The following TTC6 variants were observed in gnomAD, a reference collection of about 807,000 sequenced individuals.
TTC6 encodes the protein tetratricopeptide repeat protein 6.
TTC6 carries 172 observed loss-of-function variants against 210.4 expected under a neutral mutation model. The observed-to-expected ratio is 0.82, with a 90% CI of 0.72 to 0.93. The LOEUF (loss-of-function observed/expected upper bound fraction) is 0.93. Ranked by LOEUF, TTC6 falls within the 40% of genes least tolerant of loss-of-function variation. The probability of loss-of-function intolerance (pLI) is 0.00; values close to 1 mark genes in which losing one functional copy is unlikely to be tolerated. For missense variants in TTC6, 2,414 were observed against 2,318.1 expected (o/e 1.04, Z -0.85); for synonymous variants, 804 against 819.6 (o/e 0.98, Z 0.32).
intron 7 of TTC6, among the ~76,000 whole-genome samples, chr14:37,727,584 C>T (rs139846564): frequency 1.2e-3 from 186 of 152,058 alleles, no homozygotes; most frequent in African/African-American, 4.1e-3. Context: ...TGAGCCACCA[C>T]GCCCAGACTC....
exon 29 of TTC6, chr14:37,827,202 A>G: frequency 6.2e-7 from 1 of 1,611,892 alleles, no homozygotes; most frequent in Admixed American, 1.7e-5. Context: ...GCAGATCAGT[A>G]CTACAGCAGA....
chr14:37,644,813 A>G (rs2095698634), intron 1 of TTC6, among the ~76,000 whole-genome samples: 1 of 152,242 alleles, frequency 6.6e-6, no homozygotes, highest in South Asian at 2.1e-4. Context: ...GAGCTAGCAG[A>G]CAATGGAAAA....
chr14:37,654,438 T>C (rs1481762359), intron 1 of TTC6, among the ~76,000 whole-genome samples: 1 of 152,050 alleles, frequency 6.6e-6, no homozygotes, highest in East Asian at 1.9e-4. Flanking sequence ...CTCTTGCTCC[T>C]ACTTTTGGAA....
At chr14:37,765,755 T>G (rs972347710) in intron 14 of TTC6, among the ~76,000 whole-genome samples, 1 of 152,156 alleles carries the variant, frequency 6.6e-6, no homozygotes, top group African/African-American at 2.4e-5. Context: ...TTCTTCAGGT[T>G]TCATTTACTC....
chr14:37,808,805 A>G, exon 24 of TTC6: 1 of 1,535,780 alleles, frequency 6.5e-7, no homozygotes, highest in Non-Finnish European at 8.7e-7. Flanking sequence ...AGCATTTTAT[A>G]ACAGAGCATT....
At chr14:37,700,480 C>T (rs980757145) in intron 4 of TTC6, among the ~76,000 whole-genome samples, 14 of 152,032 alleles carry the variant, frequency 9.2e-5, no homozygotes, top group East Asian at 3.9e-4. Context: ...CAGTGGCTCA[C>T]GCCTGTAATC....
rs144272227 is a variant in TTC6, at chr14:37,785,602, G to A, written c.3267-1866G>A. On this transcript the variant is annotated intron_variant, in intron 14 of 30. Coordinates refer to ENST00000553443, the Ensembl canonical transcript of TTC6. ...TCAGAGAAGTTTGTTTTTACCGATC[G>A]TCTGAAGCCTTTTTCTCTCAACTCG... 1.3e-3 allele frequency among the ~76,000 whole-genome samples: 193 copies of A among 152,248 alleles called. 1 individual carries two copies. Among genetic ancestry groups the A allele is most frequent in the Non-Finnish European group, 2.9e-4 (20 of 68,016 alleles).
chr14:37,725,312 GTATATATATATATA>G lies in TTC6; in HGVS notation c.1818+343_1818+356del, dbSNP rs1169644241. ...TATATGTATGTATGTGTGTGTGTGT[GTATATATATATATA>G]TATATATATATATATATATATATAT... is the stretch of plus-strand genomic sequence containing the variant. On this transcript the variant is annotated intron_variant, in intron 7 of 30. Coordinates refer to ENST00000553443, the Ensembl canonical transcript of TTC6. Among the ~76,000 whole-genome samples the G allele has an allele frequency of 4.3e-3, 147 of 33,922 alleles. 1 individual carries two copies. The highest frequency in any genetic ancestry group is 0.042 in the East Asian group (40 of 956). The allele number at this position is 33,922 out of a possible 152,430, so 22.3% of individuals were successfully genotyped here.
chr14:37,708,432 TC>T (rs1424782881), intron 5 of TTC6, among the ~76,000 whole-genome samples: 2 of 152,096 alleles, frequency 1.3e-5, no homozygotes, highest in Non-Finnish European at 1.5e-5. Context: ...TCATTTTATT[TC>T]CCAAATAAAA....
At chr14:37,746,986 G>T (rs2095938011) in intron 10 of TTC6, among the ~76,000 whole-genome samples, 1 of 152,146 alleles carries the variant, frequency 6.6e-6, no homozygotes, top group African/African-American at 2.4e-5. Flanking sequence ...TTACCTTGGT[G>T]CACAAAGTTT....
At chr14:37,723,775 G>C (rs1379287020) in intron 6 of TTC6, among the ~76,000 whole-genome samples, 1 of 152,064 alleles carries the variant, frequency 6.6e-6, no homozygotes, top group Admixed American at 6.6e-5. Flanking sequence ...TCATACGTTT[G>C]TAATACAGTT....
chr14:37,822,720 G>A (rs1464530113), intron 26 of TTC6, among the ~76,000 whole-genome samples: 5 of 152,202 alleles, frequency 3.3e-5, no homozygotes, highest in African/African-American at 1.2e-4. Context: ...TATAATAGGT[G>A]TAGAATGTGT....
At chr14:37,672,480 T>C (rs1037519294) in intron 1 of TTC6, among the ~76,000 whole-genome samples, 11 of 152,130 alleles carry the variant, frequency 7.2e-5, no homozygotes, top group East Asian at 5.8e-4. Context: ...TCTTGACTTA[T>C]ATTTCTCTTG....
chr14:37,719,760 A>T (rs1484528202), intron 6 of TTC6, among the ~76,000 whole-genome samples: 2 of 152,200 alleles, frequency 1.3e-5, no homozygotes, highest in South Asian at 4.1e-4. Context: ...TAGAAAAAAC[A>T]TAGGAGATCT....
chr14:37,762,882 CTTTTTTTTTT>C (rs369694046), intron 14 of TTC6, among the ~76,000 whole-genome samples: 2 of 129,602 alleles, frequency 1.5e-5, no homozygotes, highest in African/African-American at 2.9e-5. Flanking sequence ...CTTTTCTTTT[CTTTTTTTTTT>C]TTTTTTGAGA....
chr14:37,767,566 T>G (rs1034890399), intron 14 of TTC6, among the ~76,000 whole-genome samples: 111 of 152,354 alleles, frequency 7.3e-4, no homozygotes, highest in African/African-American at 2.6e-3. Context: ...ATGAACATTT[T>G]TTCATGTGTT....
intron 1 of TTC6, among the ~76,000 whole-genome samples, chr14:37,596,499 A>G (rs1050518139): frequency 6.6e-6 from 1 of 152,204 alleles, no homozygotes; most frequent in Non-Finnish European, 1.5e-5. Flanking sequence ...CTTTACTCTC[A>G]TGAGGCCCTG....
chr14:37,747,587 C>T (rs1697859285), intron 10 of TTC6, among the ~76,000 whole-genome samples: 2 of 152,082 alleles, frequency 1.3e-5, no homozygotes, highest in African/African-American at 4.8e-5. Context: ...ATGAGGAAGC[C>T]AGAGGAATAA....
chr14:37,763,527 T>C (rs978995512), intron 14 of TTC6, among the ~76,000 whole-genome samples: 3 of 152,208 alleles, frequency 2.0e-5, no homozygotes, highest in Non-Finnish European at 2.9e-5. Context: ...GAGTTGGTTT[T>C]GGAAGTTTGG....
Sources: allele counts gnomAD v4.1 joint callset (sites outside exome capture counted in the v4.1 genomes callset), GRCh38; gene constraint gnomAD v4.1.1; transcripts MANE v1.5; gene names NCBI Gene and HGNC (gene_info 2026-07-23, HGNC 2026-07-21).